EGF: variants seen among roughly 807,000 people sequenced by gnomAD.
EGF encodes the protein epidermal growth factor.
A neutral mutation model predicts 143.8 loss-of-function variants in EGF; 95 were observed. The observed-to-expected ratio is 0.66, with a 90% CI of 0.56 to 0.78. The LOEUF (loss-of-function observed/expected upper bound fraction) is 0.78, where lower values mean the gene tolerates loss of function less well. EGF is among the 30% of genes least tolerant of loss of function. The pLI is 0.00. For missense variants in EGF, 1,320 were observed against 1,470.9 expected (o/e 0.90, Z 1.68); for synonymous variants, 510 against 510.5 (o/e 1.00, Z 0.01).
intron 19 of EGF, 117 bp from the exon 20 acceptor site, chr4:109,994,613 GTTC>G (rs1751508963): frequency 3.4e-6 from 4 of 1,182,536 alleles, no homozygotes. Context: ...CCTTCTAGTA[GTTC>G]TTCTGTCACT....
intron 5 of EGF, among the ~76,000 whole-genome samples, chr4:109,958,110 G>A (rs1464590910): frequency 6.6e-6 from 1 of 152,066 alleles, no homozygotes; most frequent in Non-Finnish European, 1.5e-5. Context: ...AATATAAAAC[G>A]GTGTATTTGT....
chr4:109,968,913 T>C (rs1350772395), intron 10 of EGF, 58 bp from the exon 11 acceptor site: 2 of 1,610,108 alleles, frequency 1.2e-6, no homozygotes, highest in Admixed American at 1.7e-5. Flanking sequence ...GTGCCATTTG[T>C]ATATATTCCA....
chr4:109,925,121 C>T (rs746335842), intron 1 of EGF, among the ~76,000 whole-genome samples: 2 of 152,150 alleles, frequency 1.3e-5, no homozygotes, highest in African/African-American at 4.8e-5. Flanking sequence ...TCTTACATTA[C>T]GGCAAAAGAG....
At chr4:109,989,950 T>C (rs1454410199) in intron 18 of EGF, among the ~76,000 whole-genome samples, 1 of 152,138 alleles carries the variant, frequency 6.6e-6, no homozygotes, top group Admixed American at 6.5e-5. Flanking sequence ...CCCATATATA[T>C]ATGTAGTTAT....
At chr4:109,970,757 G>A (rs1446972778) in intron 11 of EGF, among the ~76,000 whole-genome samples, 2 of 149,010 alleles carry the variant, frequency 1.3e-5, no homozygotes, top group African/African-American at 2.5e-5. Context: ...CCTGGAAGGC[G>A]GAGCTTGCAG....
At chr4:109,944,355 C>G (rs1397230023) in intron 4 of EGF, among the ~76,000 whole-genome samples, 3 of 152,066 alleles carry the variant, frequency 2.0e-5, no homozygotes, top group Admixed American at 6.5e-5. Flanking sequence ...AGGAGAATGG[C>G]GAGAACCCGG....
intron 11 of EGF, among the ~76,000 whole-genome samples, chr4:109,971,065 G>T (rs1747572407): frequency 6.6e-6 from 1 of 151,992 alleles, no homozygotes; most frequent in South Asian, 2.1e-4. Flanking sequence ...GGTAAGTTTT[G>T]TTATCTCCAA....
At chr4:109,939,860 C>CTTACT (rs1741613073) in intron 1 of EGF, among the ~76,000 whole-genome samples, 3 of 152,112 alleles carry the variant, frequency 2.0e-5, no homozygotes, top group Admixed American at 6.5e-5. Context: ...ATGGAGTAAG[C>CTTACT]CCAGCACAGA....
rs770307581 is a variant in EGF, at chr4:109,993,373, G to T, written c.2857+4G>T. ...GAACCAGGACTGATTTGCCCTGGTA[G>T]GTTGGTGGGTGGTCTACAGTGAAGG... On this transcript the variant is annotated splice_donor_region_variant and intron_variant, in intron 19 of 23. Coordinates refer to ENST00000265171, the MANE Select transcript of EGF (RefSeq NM_001963.6). The T allele has an allele frequency of 6.2e-7, 1 of 1,613,184 alleles. No individual in the cohort carries two copies. The highest frequency in any genetic ancestry group is 1.7e-5 in the Admixed American group (1 of 60,002).
chr4:109,970,809 A>T (rs890518984), intron 11 of EGF, among the ~76,000 whole-genome samples: 1 of 125,866 alleles, frequency 7.9e-6, no homozygotes, highest in Non-Finnish European at 1.5e-5. Flanking sequence ...TGGGTGGCAG[A>T]GCGAGACTCC....
At chr4:109,979,912 T>C in intron 13 of EGF, 60 bp from the exon 14 acceptor site, 1 of 1,594,172 alleles carries the variant, frequency 6.3e-7, no homozygotes, top group Non-Finnish European at 8.6e-7. Context: ...CCTTGTCCTT[T>C]CGTAAATAGT....
chr4:109,999,852 C>T lies in EGF; in HGVS notation c.3173+6C>T, dbSNP rs201061448. The T allele has an allele frequency of 8.0e-5, 129 of 1,612,998 alleles. No individual in the cohort carries two copies. In the Middle Eastern group the frequency reaches 2.3e-3, roughly 29 times the overall value. ...TGGGGGGCCCACTACTACAGGTGAC[C>T]CTGTCTTTCCTTTGGTACTGGAAAC... On this transcript the variant is annotated splice_donor_region_variant and intron_variant, in intron 21 of 23. Coordinates refer to ENST00000265171, the MANE Select transcript of EGF (RefSeq NM_001963.6).
intron 1 of EGF, among the ~76,000 whole-genome samples, chr4:109,940,380 T>C (rs532577689): frequency 3.1e-4 from 47 of 152,306 alleles, no homozygotes; most frequent in African/African-American, 1.1e-3. Context: ...ATTTATGTGG[T>C]AAAGATAACA....
chr4:109,981,910 A>G (rs547332730), intron 15 of EGF, among the ~76,000 whole-genome samples: 1 of 151,952 alleles, frequency 6.6e-6, no homozygotes, highest in Admixed American at 6.5e-5. Flanking sequence ...TTGATTCACA[A>G]CAATCTTCTT....
At chr4:109,980,750 C>T (rs1392940520) in intron 14 of EGF, 76 bp from the exon 15 acceptor site, 27 of 1,568,260 alleles carry the variant, frequency 1.7e-5, no homozygotes, top group Non-Finnish European at 2.3e-5. Context: ...TCCCTAAAAG[C>T]AAGCTGTAGA....
chr4:110,005,496 T>C (rs984600953), intron 22 of EGF, among the ~76,000 whole-genome samples: 2 of 152,218 alleles, frequency 1.3e-5, no homozygotes, highest in Non-Finnish European at 2.9e-5. Context: ...TTCATACTTA[T>C]ACTGAAAGTT....
intron 1 of EGF, among the ~76,000 whole-genome samples, chr4:109,927,169 A>T (rs1160606781): frequency 6.6e-6 from 1 of 152,250 alleles, no homozygotes; most frequent in Non-Finnish European, 1.5e-5. Context: ...GTAATTAAAA[A>T]GTAAATTTTG....
chr4:110,008,370 C>A, intron 23 of EGF, 140 bp downstream of exon 23: 1 of 1,091,974 alleles, frequency 9.2e-7, no homozygotes, highest in Non-Finnish European at 1.4e-6. Flanking sequence ...AATAGCTGGG[C>A]TGTATTGAAA....
Position 109,960,976 on chromosome 4 carries a change from G to GAAACGATGTCATCGT in EGF, c.1179_1189+4dup. The GAAACGATGTCATCGT allele has an allele frequency of 6.2e-7, 1 of 1,613,890 alleles. No individual in the cohort carries two copies. Among genetic ancestry groups the GAAACGATGTCATCGT allele is most frequent in the South Asian group, 1.1e-5 (1 of 91,070 alleles). On this transcript the variant is annotated inframe_insertion, in exon 7 of 24. Coordinates refer to ENST00000265171, the MANE Select transcript of EGF (RefSeq NM_001963.6). ...TAGGATTTGTTCTGCTTCCTGATGG[G>GAAACGATGTCATCGT]AAACGATGTCATCGTAAGTTATAGC...
Sources: gnomAD v4.1 joint callset for allele counts (sites outside exome capture counted in the v4.1 genomes callset) on GRCh38, gnomAD v4.1.1 for gene constraint, MANE v1.5 for transcripts, NCBI Gene and HGNC (gene_info 2026-07-23, HGNC 2026-07-21) for gene names.